Variants in DOK6 observed in about 807,000 individuals in gnomAD.
The protein encoded by DOK6 is downstream of tyrosine kinase 6.
In DOK6, 22 loss-of-function variants were observed where a neutral mutation model predicts 44.0. The ratio of observed to expected loss-of-function variants is 0.50; its 90% CI spans 0.36 to 0.71. The LOEUF (loss-of-function observed/expected upper bound fraction) is 0.71, where lower values mean the gene tolerates loss of function less well. Among genes scored for constraint, DOK6 ranks in the 30% least tolerant of loss-of-function variants. The pLI, the probability that DOK6 is intolerant of heterozygous loss-of-function variation, is 0.00. For missense variants in DOK6, 340 were observed against 416.4 expected (o/e 0.82, Z 1.60); for synonymous variants, 166 against 145.5 (o/e 1.14, Z -1.01).
chr18:69,682,598 G>A (rs947293498), intron 4 of DOK6, among the ~76,000 whole-genome samples: 7 of 152,152 alleles, frequency 4.6e-5, no homozygotes, highest in African/African-American at 1.7e-4. Flanking sequence ...AATATTTCAT[G>A]TCCACTAACA....
chr18:69,711,812 A>G (rs1342584379), intron 5 of DOK6, among the ~76,000 whole-genome samples: 1 of 152,208 alleles, frequency 6.6e-6, no homozygotes, highest in African/African-American at 2.4e-5. Flanking sequence ...ATCAGAAGAA[A>G]AAATCTTTCC....
intron 1 of DOK6, among the ~76,000 whole-genome samples, chr18:69,501,360 A>C (rs1254110075): frequency 6.6e-6 from 1 of 152,150 alleles, no homozygotes; most frequent in African/African-American, 2.4e-5. Flanking sequence ...TTCAAAAGTT[A>C]TACTATTGCC....
chr18:69,485,749 C>G (rs1028930964), intron 1 of DOK6, among the ~76,000 whole-genome samples: 1 of 152,074 alleles, frequency 6.6e-6, no homozygotes, highest in Non-Finnish European at 1.5e-5. Flanking sequence ...CAGACATATC[C>G]TGTCCATTCT....
chr18:69,621,962 C>T (rs1210923810), intron 3 of DOK6, among the ~76,000 whole-genome samples: 1 of 152,022 alleles, frequency 6.6e-6, no homozygotes, highest in Non-Finnish European at 1.5e-5. Flanking sequence ...CTTGGGAGAA[C>T]TTAATTTTTG....
Position 69,597,805 on chromosome 18 carries a change from C to T in DOK6, c.175-1579C>T, listed in dbSNP as rs149886775. On this transcript the variant is annotated intron_variant, in intron 2 of 7. Coordinates refer to ENST00000382713, the MANE Select transcript of DOK6 (RefSeq NM_152721.6). ...ATCTGGAGACTCAAAGTTTTCACCC[C>T]TCTGCACATGCACATGTCTACAAAT... is the stretch of plus-strand genomic sequence containing the variant. Among the ~76,000 whole-genome samples, 6 of 152,322 alleles carry T rather than the reference C, an allele frequency of 3.9e-5. No homozygotes were observed. The South Asian group carries it at 6.2e-4, about 16-fold the overall frequency.
At chr18:69,820,508 AT>A (rs1351921144) in intron 7 of DOK6, among the ~76,000 whole-genome samples, 10 of 152,200 alleles carry the variant, frequency 6.6e-5, no homozygotes, top group African/African-American at 2.2e-4. Context: ...TAACAGAGAC[AT>A]TTGGCCTTAA....
rs138779015 is a variant in DOK6, at chr18:69,591,301, G to C, written c.175-8083G>C. On this transcript the variant is annotated intron_variant, in intron 2 of 7. Coordinates refer to ENST00000382713, the MANE Select transcript of DOK6 (RefSeq NM_152721.6). ...TGATATGGGATGGCTGTCTTGAGGA[G>C]AGCACATGTGTGATGGTTGAAGTCA... is the stretch of plus-strand genomic sequence containing the variant. Among the ~76,000 whole-genome samples, 294 of 152,208 alleles carry C rather than the reference G, an allele frequency of 1.9e-3. 3 individuals are homozygous for C. The highest frequency in any genetic ancestry group is 6.9e-3 in the African/African-American group (286 of 41,554).
intron 1 of DOK6, among the ~76,000 whole-genome samples, chr18:69,503,090 C>G (rs76750047): frequency 0.081 from 12,323 of 152,086 alleles, 1,645 homozygotes; most frequent in African/African-American, 0.28. Context: ...AATATCCTTG[C>G]ATTTTCAAAA....
intron 3 of DOK6, among the ~76,000 whole-genome samples, chr18:69,642,432 A>C (rs543229900): frequency 6.0e-4 from 92 of 152,218 alleles, no homozygotes; most frequent in African/African-American, 2.1e-3. Context: ...GCTACTTTGG[A>C]GGCTGAGGCC....
intron 3 of DOK6, among the ~76,000 whole-genome samples, chr18:69,647,158 C>T (rs1985104151): frequency 6.6e-6 from 1 of 152,076 alleles, no homozygotes; most frequent in South Asian, 2.1e-4. Context: ...TCCATCTATC[C>T]TATCCATCTA....
chr18:69,836,760 G>C (rs1982065639), intron 7 of DOK6, among the ~76,000 whole-genome samples: 1 of 152,150 alleles, frequency 6.6e-6, no homozygotes, highest in Admixed American at 6.5e-5. Context: ...GATGAGCAAG[G>C]CTGTTGCATC....
In DOK6 at chr18:69,842,978, G is replaced by A. The variant is rs919647817; in HGVS notation, c.*1595G>A. On this transcript the variant is annotated 3_prime_UTR_variant, in exon 8 of 8. Coordinates refer to ENST00000382713, the MANE Select transcript of DOK6 (RefSeq NM_152721.6). ...TACCTTTTTTGCTGATCTCTGATGAGTTGTCTTTTCATCCCTATCTGTAGC... is the reference window on the plus strand; with the variant it reads ...TACCTTTTTTGCTGATCTCTGATGAATTGTCTTTTCATCCCTATCTGTAGC... 3 of 151,968 alleles carry A rather than the reference G, an allele frequency of 2.0e-5. No individual in the cohort carries two copies. The highest frequency in any genetic ancestry group is 7.3e-5 in the African/African-American group (3 of 41,354). The allele number at this position is 151,968 out of a possible 1,614,324, so 9.4% of individuals were successfully genotyped here.
chr18:69,807,479 G>A (rs1358414972), intron 7 of DOK6, among the ~76,000 whole-genome samples: 3 of 151,826 alleles, frequency 2.0e-5, no homozygotes, highest in East Asian at 1.9e-4. Flanking sequence ...GATTAAAATT[G>A]TCAATCAAAA....
intron 3 of DOK6, among the ~76,000 whole-genome samples, chr18:69,655,941 G>A (rs950450746): frequency 2.0e-5 from 3 of 151,634 alleles, no homozygotes; most frequent in South Asian, 2.1e-4. Flanking sequence ...AGAAACAATG[G>A]TGAATAGGAA....
At chr18:69,694,562 G>A in intron 4 of DOK6, among the ~76,000 whole-genome samples, 1 of 151,084 alleles carries the variant, frequency 6.6e-6, no homozygotes, top group South Asian at 2.1e-4. Context: ...AGCTAATATG[G>A]GACTCTAAAT....
intron 1 of DOK6, among the ~76,000 whole-genome samples, chr18:69,422,663 C>G (rs111305064): frequency 1.4e-5 from 2 of 147,864 alleles, no homozygotes; most frequent in Admixed American, 1.4e-4. Flanking sequence ...AGTTGATATA[C>G]TCTGTTTGTG....
At position 69,698,495 on chromosome 18, in the gene DOK6, G is replaced by C. The variant is rs757324984; in HGVS notation, c.501G>C (p.Trp167Cys). The change falls in exon 5 of 8, where the codon TGG becomes TGC. Residue 167 changes from tryptophan (W) to cysteine (C), a missense_variant. Coordinates refer to ENST00000382713, the MANE Select transcript of DOK6 (RefSeq NM_152721.6). ...MQITHENIYL[W>C]DIHNAKVKLV... Reference sequence around the variant, plus strand: ...TCACTCATGAAAATATCTATCTCTGGGATATCCACAATGCCAAGGTCAAAC... The same window carrying C: ...TCACTCATGAAAATATCTATCTCTGCGATATCCACAATGCCAAGGTCAAAC... 4 of 1,613,902 alleles carry C rather than the reference G, an allele frequency of 2.5e-6. No homozygotes were observed. The South Asian group carries it at 4.4e-5, about 18-fold the overall frequency.
At chr18:69,641,762 G>A (rs548776187) in intron 3 of DOK6, among the ~76,000 whole-genome samples, 1 of 152,248 alleles carries the variant, frequency 6.6e-6, no homozygotes, top group Non-Finnish European at 1.5e-5. Flanking sequence ...AGTGATATAG[G>A]ATCTACATTT....
intron 3 of DOK6, among the ~76,000 whole-genome samples, chr18:69,644,179 A>T (rs2144656637): frequency 6.6e-6 from 1 of 152,268 alleles, no homozygotes; most frequent in Admixed American, 6.5e-5. Context: ...TGTGGTTTGC[A>T]AATATTTTCC....
Sources: gnomAD v4.1 joint callset for allele counts (sites outside exome capture counted in the v4.1 genomes callset) on GRCh38, gnomAD v4.1.1 for gene constraint, MANE v1.5 for transcripts, NCBI Gene and HGNC (gene_info 2026-07-23, HGNC 2026-07-21) for gene names.